CELF4: variants seen among roughly 807,000 people sequenced by gnomAD.
CELF4 encodes the protein CUGBP Elav-like family member 4.
Under a neutral mutation model 59.9 loss-of-function variants are expected in CELF4, and 18 were observed. The ratio of observed to expected loss-of-function variants is 0.30; its 90% CI spans 0.21 to 0.45. The LOEUF (loss-of-function observed/expected upper bound fraction) is 0.45. Among genes scored for constraint, CELF4 ranks in the 20% least tolerant of loss-of-function variants. The pLI, the probability that CELF4 is intolerant of heterozygous loss-of-function variation, is 1.00. For synonymous variants in CELF4, 261 were observed against 267.1 expected, an observed-to-expected ratio of 0.98 and a Z score of 0.22; for missense variants, 456 against 689.0, an observed-to-expected ratio of 0.66 and a Z score of 3.79.
At chr18:37,475,478 C>G (rs1484214012) in intron 2 of CELF4, among the ~76,000 whole-genome samples, 2 of 152,186 alleles carry the variant, frequency 1.3e-5, no homozygotes, top group Non-Finnish European at 2.9e-5. Context: ...CCTGCAGAGG[C>G]TCAGGCAAGG....
chr18:37,497,060 G>A (rs919706962), intron 1 of CELF4, among the ~76,000 whole-genome samples: 4 of 152,152 alleles, frequency 2.6e-5, no homozygotes, highest in African/African-American at 9.7e-5. Flanking sequence ...GAGTGCCCAA[G>A]GTGGGTGAGA....
chr18:37,413,159 A>T (rs2099489993), intron 2 of CELF4, among the ~76,000 whole-genome samples: 2 of 152,200 alleles, frequency 1.3e-5, no homozygotes, highest in South Asian at 4.1e-4. Flanking sequence ...TGACCCTGGG[A>T]GCCAGCGATG....
intron 7 of CELF4, among the ~76,000 whole-genome samples, chr18:37,272,186 T>G (rs2091571899): frequency 6.6e-6 from 1 of 152,200 alleles, no homozygotes; most frequent in Admixed American, 6.5e-5. Context: ...GGACCAGCCC[T>G]TAGGACTAGA....
intron 1 of CELF4, among the ~76,000 whole-genome samples, chr18:37,544,896 A>T (rs1221411276): frequency 6.6e-6 from 1 of 152,156 alleles, no homozygotes; most frequent in Non-Finnish European, 1.5e-5. Flanking sequence ...AGCATTGTTG[A>T]CAACTTGGAC....
At chr18:37,314,218 A>G (rs1279801201) in intron 3 of CELF4, among the ~76,000 whole-genome samples, 4 of 152,204 alleles carry the variant, frequency 2.6e-5, no homozygotes, top group Non-Finnish European at 4.4e-5. Flanking sequence ...AATCTGAGGC[A>G]GGTGGATCAT....
At chr18:37,475,267 C>G (rs1362733841) in intron 2 of CELF4, among the ~76,000 whole-genome samples, 1 of 152,246 alleles carries the variant, frequency 6.6e-6, no homozygotes, top group East Asian at 1.9e-4. Context: ...TCCTTTAAAG[C>G]CTAACATTAG....
intron 1 of CELF4, among the ~76,000 whole-genome samples, chr18:37,546,134 G>GT (rs1555638990): frequency 6.6e-6 from 1 of 152,106 alleles, no homozygotes; most frequent in Non-Finnish European, 1.5e-5. Flanking sequence ...CATCTCTTCT[G>GT]TTTTTTACAT....
Position 37,283,979 on chromosome 18 carries a change from T to C in CELF4, c.449-8736A>G, listed in dbSNP as rs55908446. Among the ~76,000 whole-genome samples the C allele has an allele frequency of 6.0e-4, 2 of 3,314 alleles. 1 individual carries two copies. The highest frequency in any genetic ancestry group is 7.4e-3 in the East Asian group (2 of 270). 2.2% of individuals were successfully genotyped at this position (3,314 alleles called of 152,430 possible). The stretch of plus-strand genomic sequence containing the variant: ...CCCTACATACATAGACACACACCCA[T>C]CTCACATCCCAACACACAAACCCAA... On this transcript the variant is annotated intron_variant, in intron 3 of 12. Transcript: ENST00000420428.
At chr18:37,470,292 T>C (rs887162715) in intron 2 of CELF4, among the ~76,000 whole-genome samples, 1 of 152,206 alleles carries the variant, frequency 6.6e-6, no homozygotes, top group African/African-American at 2.4e-5. Flanking sequence ...ATCCTCTGTG[T>C]CACTTCATCA....
intron 2 of CELF4, among the ~76,000 whole-genome samples, chr18:37,391,465 A>C (rs554557527): frequency 1.3e-5 from 2 of 152,202 alleles, no homozygotes; most frequent in Non-Finnish European, 2.9e-5. Context: ...TCAAGGTAGC[A>C]CTTGCCAAGG....
At chr18:37,360,619 C>T (rs1369645042) in intron 2 of CELF4, among the ~76,000 whole-genome samples, 1 of 152,212 alleles carries the variant, frequency 6.6e-6, no homozygotes, top group Admixed American at 6.5e-5. Context: ...CTGGTCTGCT[C>T]AGAGCCTGTC....
chr18:37,421,953 C>A (rs1227385814), intron 2 of CELF4, among the ~76,000 whole-genome samples: 2 of 152,244 alleles, frequency 1.3e-5, no homozygotes, highest in Non-Finnish European at 2.9e-5. Flanking sequence ...AGAATGTGAG[C>A]AAACACGGAG....
At chr18:37,501,462 T>A (rs547848240) in intron 1 of CELF4, among the ~76,000 whole-genome samples, 1 of 152,144 alleles carries the variant, frequency 6.6e-6, no homozygotes, top group African/African-American at 2.4e-5. Context: ...GTGTCTGGGG[T>A]ATCTGTTAAT....
At chr18:37,275,434 G>A (rs1265248226) in intron 3 of CELF4, among the ~76,000 whole-genome samples, 191 bp from the exon 4 acceptor site, 6 of 151,754 alleles carry the variant, frequency 4.0e-5, no homozygotes, top group African/African-American at 1.2e-4. Flanking sequence ...AGGGGCGAGG[G>A]AGAGAAGTAG....
intron 2 of CELF4, among the ~76,000 whole-genome samples, chr18:37,458,953 A>G (rs2099786134): frequency 6.6e-6 from 1 of 152,202 alleles, no homozygotes; most frequent in East Asian, 1.9e-4. Flanking sequence ...TGAGCTCATC[A>G]GTATCCACAA....
chr18:37,364,979 T>G (rs2098757176), intron 2 of CELF4, among the ~76,000 whole-genome samples: 1 of 152,058 alleles, frequency 6.6e-6, no homozygotes, highest in African/African-American at 2.4e-5. Flanking sequence ...AGAAGTCTCC[T>G]GGGGTGGTGA....
chr18:37,247,019 C>T (rs192513885), intron 12 of CELF4: 3 of 152,264 alleles, frequency 2.0e-5, no homozygotes, highest in East Asian at 1.9e-4. Flanking sequence ...AGAAAATGCA[C>T]GTGTGATCAT....
At chr18:37,423,859 C>T (rs2099595366) in intron 2 of CELF4, among the ~76,000 whole-genome samples, 1 of 149,672 alleles carries the variant, frequency 6.7e-6, no homozygotes. Context: ...GTTCATCATG[C>T]TTTTCCCACC....
chr18:37,385,554 G>A (rs2099090220), intron 2 of CELF4, among the ~76,000 whole-genome samples: 1 of 152,078 alleles, frequency 6.6e-6, no homozygotes, highest in Non-Finnish European at 1.5e-5. Flanking sequence ...GTAGTTAACT[G>A]AGCCAATGTC....
Sources: gnomAD v4.1 joint callset for allele counts (sites outside exome capture counted in the v4.1 genomes callset) on GRCh38, gnomAD v4.1.1 for gene constraint, MANE v1.5 for transcripts, NCBI Gene and HGNC (gene_info 2026-07-23, HGNC 2026-07-21) for gene names.